STARD13: variants seen among roughly 807,000 people sequenced by gnomAD.
STARD13 encodes the protein StAR related lipid transfer domain containing 13.
A neutral mutation model predicts 106.4 loss-of-function variants in STARD13; 62 were observed. The observed-to-expected ratio is 0.58, with a 90% CI of 0.48 to 0.72. The LOEUF is 0.72. STARD13 is among the 30% of genes least tolerant of loss of function. The pLI is 0.00. For synonymous variants in STARD13, 565 were observed against 553.0 expected, an observed-to-expected ratio of 1.02 and a Z score of -0.31; for missense variants, 1,387 against 1,424.0, an observed-to-expected ratio of 0.97 and a Z score of 0.42.
At chr13:33,398,012 TAAAC>T in the STARD13 span, among the ~76,000 whole-genome samples, 2 of 152,174 alleles carry the variant, frequency 1.3e-5, no homozygotes, top group African/African-American at 4.8e-5. Context: ...TGGGGTAATA[TAAAC>T]ATTCAGATGA....
intron 9 of STARD13, 82 bp from the exon 10 acceptor site, chr13:33,111,974 G>T: frequency 1.2e-6 from 1 of 847,050 alleles, no homozygotes; most frequent in Non-Finnish European, 2.0e-6. Flanking sequence ...TTTGTTTTCT[G>T]TTTATACCCA....
chr13:33,137,165 T>A (rs1049920730), intron 4 of STARD13, among the ~76,000 whole-genome samples: 1 of 152,268 alleles, frequency 6.6e-6, no homozygotes, highest in Non-Finnish European at 1.5e-5. Flanking sequence ...TTCATTTGTA[T>A]TGAATTTTAC....
rs372379527 is a variant in STARD13 at position 33,110,807 on chromosome 13, C to T, written c.2708G>A (p.Gly903Glu). ...GTTCAGGTAAGTGTGGAAAGTTGCCCCACTCTCCTCCAGCTGTGTCCCCAA... is the reference window on the plus strand; with the variant it reads ...GTTCAGGTAAGTGTGGAAAGTTGCCTCACTCTCCTCCAGCTGTGTCCCCAA... ...EELGTQLEESGATFHTYLNHL... is the reference protein window; with the variant it reads ...EELGTQLEESEATFHTYLNHL... Residue 903 changes from glycine (G) to glutamate (E), a missense_variant, in exon 11 of 14, where the codon GGG becomes GAG. By Grantham distance (98) the Gly-to-Glu change is moderately conservative. Transcript: ENST00000336934. The T allele has an allele frequency of 1.2e-6, 2 of 1,614,106 alleles. No homozygotes were observed.
At chr13:33,185,841 C>T (rs754898559) in intron 1 of STARD13, 7 of 1,609,698 alleles carry the variant, frequency 4.3e-6, no homozygotes, top group Non-Finnish European at 5.9e-6. Context: ...AAAGGTCTAT[C>T]CTTTGTACCC....
chr13:33,672,284 A>G, the STARD13 span, among the ~76,000 whole-genome samples: 1 of 152,164 alleles, frequency 6.6e-6, no homozygotes, highest in Non-Finnish European at 1.5e-5. Flanking sequence ...CAAACACCAC[A>G]TGTTCTCACT....
intron 3 of STARD13, chr13:33,164,034 CA>C (rs939612236): frequency 6.6e-6 from 1 of 151,952 alleles, no homozygotes; most frequent in African/African-American, 2.4e-5. Context: ...GAATCACAAC[CA>C]AATCATCCAT....
the STARD13 span, among the ~76,000 whole-genome samples, chr13:33,549,219 C>T: frequency 6.6e-6 from 1 of 152,104 alleles, no homozygotes; most frequent in Non-Finnish European, 1.5e-5. Flanking sequence ...AGATGTGTTG[C>T]TATAGCTATA....
chr13:33,541,979 C>T, the STARD13 span, among the ~76,000 whole-genome samples: 7 of 152,144 alleles, frequency 4.6e-5, no homozygotes, highest in Non-Finnish European at 7.3e-5. Flanking sequence ...AGAGGCTTTC[C>T]TTTAAAATTT....
chr13:33,328,795 G>T (rs1051864151), intron 1 of STARD13, among the ~76,000 whole-genome samples: 2 of 152,210 alleles, frequency 1.3e-5, no homozygotes, highest in East Asian at 3.8e-4. Flanking sequence ...CATTGTTTCA[G>T]CTGGGTTCTC....
At chr13:33,653,552 G>A in the STARD13 span, among the ~76,000 whole-genome samples, 1,936 of 152,198 alleles carry the variant, frequency 0.013, 47 homozygotes, top group African/African-American at 0.044. Context: ...ATACCTAAAT[G>A]TAGGAGATAA....
chr13:33,290,064 C>T (rs1566121038), upstream of STARD13, among the ~76,000 whole-genome samples: 1 of 152,108 alleles, frequency 6.6e-6, no homozygotes, highest in Non-Finnish European at 1.5e-5. Flanking sequence ...TTGGAATTTT[C>T]AAGTATTTTG....
At chr13:33,576,379 T>C in the STARD13 span, among the ~76,000 whole-genome samples, 1 of 151,944 alleles carries the variant, frequency 6.6e-6, no homozygotes, top group South Asian at 2.1e-4. Flanking sequence ...TGTGCCACCA[T>C]GCCCAGCTAG....
chr13:33,455,692 G>A, the STARD13 span, among the ~76,000 whole-genome samples: 2 of 152,200 alleles, frequency 1.3e-5, no homozygotes, highest in South Asian at 4.1e-4. Flanking sequence ...CCAGTACTGT[G>A]GGAGGCTGAG....
chr13:33,301,249 G>A (rs1180578944), intron 1 of STARD13, among the ~76,000 whole-genome samples: 1 of 152,178 alleles, frequency 6.6e-6, no homozygotes, highest in Non-Finnish European at 1.5e-5. Flanking sequence ...AGGAAGGATG[G>A]TATTTTCACT....
At chr13:33,138,531 G>C (rs1393181824) in intron 4 of STARD13, 8 of 156,964 alleles carry the variant, frequency 5.1e-5, no homozygotes, top group Non-Finnish European at 9.8e-5. Context: ...ACGGAATTTG[G>C]CCATATCTTT....
the STARD13 span, among the ~76,000 whole-genome samples, chr13:33,557,746 C>T: frequency 1.3e-5 from 2 of 152,140 alleles, no homozygotes; most frequent in South Asian, 4.1e-4. Flanking sequence ...TCCACTCCCA[C>T]CACTCATTTA....
chr13:33,299,563 T>G (rs1480146845), intron 1 of STARD13, among the ~76,000 whole-genome samples: 1 of 152,176 alleles, frequency 6.6e-6, no homozygotes, highest in East Asian at 1.9e-4. Flanking sequence ...AAACAAAATT[T>G]GGCCCATAAT....
the STARD13 span, among the ~76,000 whole-genome samples, chr13:33,482,753 T>C: frequency 6.6e-6 from 1 of 152,248 alleles, no homozygotes; most frequent in African/African-American, 2.4e-5. Flanking sequence ...TGTTTTTAAC[T>C]GTTCTTTTGT....
the STARD13 span, among the ~76,000 whole-genome samples, chr13:33,433,079 C>G: frequency 6.6e-6 from 1 of 152,118 alleles, no homozygotes; most frequent in South Asian, 2.1e-4. Flanking sequence ...TTTCAGCAAA[C>G]GTCTGTTATT....
Sources: gnomAD v4.1 joint callset for allele counts (sites outside exome capture counted in the v4.1 genomes callset) on GRCh38, gnomAD v4.1.1 for gene constraint, MANE v1.5 for transcripts, NCBI Gene and HGNC (gene_info 2026-07-23, HGNC 2026-07-21) for gene names.